Variants in MIA2 observed in about 807,000 individuals in gnomAD.
MIA2 encodes the protein melanoma inhibitory activity protein 2.
MIA2 carries 127 observed loss-of-function variants against 167.8 expected under a neutral mutation model. That is an observed-to-expected ratio of 0.76 (90% CI 0.66 to 0.88). The LOEUF (loss-of-function observed/expected upper bound fraction) is 0.88, where lower values mean the gene tolerates loss of function less well. Among genes scored for constraint, MIA2 ranks in the 40% least tolerant of loss-of-function variants. The pLI, the probability that MIA2 is intolerant of heterozygous loss-of-function variation, is 0.00. For synonymous variants in MIA2, 552 were observed against 541.9 expected (o/e 1.02, Z -0.26); for missense variants, 1,690 against 1,624.7 (o/e 1.04, Z -0.69).
chr14:39,266,895 A>T (rs971549249), intron 6 of MIA2: 1 of 702,732 alleles, frequency 1.4e-6, no homozygotes, highest in East Asian at 1.3e-4. Flanking sequence ...CGCCGCCGCC[A>T]CCGCGGCCGC....
At chr14:39,244,591 T>G (rs985577810) in intron 3 of MIA2, among the ~76,000 whole-genome samples, 1 of 152,114 alleles carries the variant, frequency 6.6e-6, no homozygotes, top group Non-Finnish European at 1.5e-5. Context: ...AACCTAAACT[T>G]TATTCTCATT....
intron 23 of MIA2, among the ~76,000 whole-genome samples, chr14:39,361,975 A>G (rs1323822865): frequency 1.3e-5 from 2 of 152,162 alleles, no homozygotes; most frequent in Admixed American, 6.5e-5. Flanking sequence ...TTCTGTTCAT[A>G]TGATGTATCA....
chr14:39,347,876 C>A, intron 27 of MIA2, 105 bp downstream of exon 27: 1 of 1,086,834 alleles, frequency 9.2e-7, no homozygotes, highest in Non-Finnish European at 1.3e-6. Context: ...AGCTGGAGTG[C>A]AGTGGCGCTA....
At chr14:39,261,526 A>G (rs1013267861) in intron 6 of MIA2, among the ~76,000 whole-genome samples, 4 of 152,172 alleles carry the variant, frequency 2.6e-5, no homozygotes, top group Non-Finnish European at 5.9e-5. Flanking sequence ...GGCTGGGTCA[A>G]ATGCTATTTC....
At chr14:39,360,427 A>G (rs116125119) in intron 23 of MIA2, among the ~76,000 whole-genome samples, 334 of 150,960 alleles carry the variant, frequency 2.2e-3, no homozygotes, top group African/African-American at 7.7e-3. Flanking sequence ...GAGAATTTGA[A>G]TTCATGTCCT....
chr14:39,286,348 G>A (rs1030166541), intron 9 of MIA2, among the ~76,000 whole-genome samples: 3 of 151,930 alleles, frequency 2.0e-5, no homozygotes, highest in Non-Finnish European at 4.4e-5. Context: ...GGCAGGCTGA[G>A]GCAGGAGAAT....
In MIA2 at chr14:39,302,216, A is replaced by T; in HGVS notation, c.2707A>T (p.Met903Leu). The change falls in exon 15 of 29, where the codon ATG (methionine) becomes TTG (leucine). Residue 903 changes from methionine (M) to leucine (L), a missense_variant. Coordinates refer to ENST00000640607, the MANE Select transcript of MIA2 (RefSeq NM_001329214.4). The stretch of plus-strand genomic sequence containing the variant: ...GGATGATGATAACTTGGAATTAGAA[A>T]TGAACAGTGAATCGGAAAATGGTGC... ...ITDDDNLELE[M>L]NSESENGAYL... 5.0e-6 allele frequency: 8 copies of T among 1,613,950 alleles called. No individual in the cohort carries two copies. Among genetic ancestry groups the T allele is most frequent in the Non-Finnish European group, 6.8e-6 (8 of 1,179,868 alleles).
At chr14:39,361,451 T>C (rs2074680757) in intron 23 of MIA2, among the ~76,000 whole-genome samples, 1 of 151,492 alleles carries the variant, frequency 6.6e-6, no homozygotes, top group Non-Finnish European at 1.5e-5. Flanking sequence ...TTTTTTTTTT[T>C]TCCTGAGACA....
chr14:39,290,761 A>T (rs988845647), intron 9 of MIA2, among the ~76,000 whole-genome samples: 1 of 152,140 alleles, frequency 6.6e-6, no homozygotes, highest in African/African-American at 2.4e-5. Flanking sequence ...TTATAGTCCT[A>T]TGTTCTCTGA....
intron 26 of MIA2, chr14:39,347,007 T>C (rs1595885284): frequency 5.0e-6 from 1 of 198,492 alleles, no homozygotes; most frequent in Non-Finnish European, 1.0e-5. Flanking sequence ...TCGGCTCCAC[T>C]GCAACCTCCG....
At chr14:39,285,714 C>G (rs938104617) in intron 9 of MIA2, among the ~76,000 whole-genome samples, 10 of 151,744 alleles carry the variant, frequency 6.6e-5, no homozygotes, top group African/African-American at 2.4e-4. Context: ...AGACGCTCCT[C>G]ACTTCCCAGA....
intron 4 of MIA2, among the ~76,000 whole-genome samples, chr14:39,251,793 A>T (rs1250687534): frequency 6.6e-6 from 1 of 152,178 alleles, no homozygotes; most frequent in East Asian, 1.9e-4. Context: ...TCAAAGTGCT[A>T]TGTTAAGACT....
intron 25 of MIA2, among the ~76,000 whole-genome samples, chr14:39,328,910 G>A (rs1279588610): frequency 6.6e-6 from 1 of 152,102 alleles, no homozygotes; most frequent in Non-Finnish European, 1.5e-5. Context: ...GATGTCTCCA[G>A]CTTTGTATTT....
intron 20 of MIA2, among the ~76,000 whole-genome samples, chr14:39,315,454 A>G (rs947882306): frequency 2.0e-5 from 3 of 152,260 alleles, no homozygotes; most frequent in African/African-American, 7.2e-5. Context: ...TGATTATTAC[A>G]TAAAGTAAAA....
intron 19 of MIA2, 66 bp downstream of exon 19, chr14:39,313,507 G>A: frequency 1.2e-6 from 1 of 830,792 alleles, no homozygotes; most frequent in Non-Finnish European, 1.9e-6. Flanking sequence ...CTTAATGCCA[G>A]AAAAATAATA....
intron 23 of MIA2, among the ~76,000 whole-genome samples, chr14:39,374,898 T>G (rs2075017542): frequency 6.6e-6 from 1 of 152,258 alleles, no homozygotes; most frequent in Admixed American, 6.5e-5. Context: ...TCATTTTAGG[T>G]AAAACCTTAG....
intron 25 of MIA2, among the ~76,000 whole-genome samples, chr14:39,331,061 A>G (rs1434359416): frequency 6.6e-6 from 1 of 152,190 alleles, no homozygotes; most frequent in African/African-American, 2.4e-5. Context: ...GTGGGGTGTC[A>G]AAGTCTCCCA....
In MIA2 at chr14:39,315,691, C is replaced by G; in HGVS notation, c.3189C>G (p.Ser1063=). ...TIHSYQGQII[S]HEKKAHDNWL... ...ATTACTTTCTTTTTCAGATTATTTCCCATGAGAAAAAAGCACATGATAATT... is the reference window on the plus strand; with the variant it reads ...ATTACTTTCTTTTTCAGATTATTTCGCATGAGAAAAAAGCACATGATAATT... The change falls in exon 21 of 29, where the codon TCC becomes TCG. Residue 1063 remains serine, a synonymous_variant. Transcript: ENST00000640607. 6.4e-7 allele frequency: 1 copy of G among 1,554,510 alleles called. No individual in the cohort carries two copies. The highest frequency in any genetic ancestry group is 8.8e-7 in the Non-Finnish European group (1 of 1,139,586).
At chr14:39,351,643 C>A (rs2074386089), downstream of MIA2, among the ~76,000 whole-genome samples, 1 of 151,856 alleles carries the variant, frequency 6.6e-6, no homozygotes, top group South Asian at 2.1e-4. Flanking sequence ...CTCAAGGGAG[C>A]TTGTTCACCC....
Sources: gnomAD v4.1 joint callset for allele counts (sites outside exome capture counted in the v4.1 genomes callset) on GRCh38, gnomAD v4.1.1 for gene constraint, MANE v1.5 for transcripts, NCBI Gene and HGNC (gene_info 2026-07-23, HGNC 2026-07-21) for gene names.